SH3GLB1: variants seen among roughly 807,000 people sequenced by gnomAD.
SH3GLB1 encodes the protein endophilin-B1.
Under a neutral mutation model 42.0 loss-of-function variants are expected in SH3GLB1, and 17 were observed. The ratio of observed to expected loss-of-function variants is 0.40; its 90% CI spans 0.28 to 0.61. SH3GLB1 has a LOEUF of 0.61. SH3GLB1 is among the 20% of genes least tolerant of loss of function. The probability of loss-of-function intolerance (pLI) is 0.36; values close to 1 mark genes in which losing one functional copy is unlikely to be tolerated. For synonymous variants in SH3GLB1, 132 were observed against 146.6 expected (o/e 0.90, Z 0.72); for missense variants, 355 against 426.3 (o/e 0.83, Z 1.47).
In SH3GLB1 at chr1:86,744,323, A is replaced by G. The variant is rs898672113; in HGVS notation, c.*1088A>G. ...TCTGTTCTAATTCATTCATTCAACA[A>G]ACATTTGTTGAGGGCCAGATACTGT... On this transcript the variant is annotated 3_prime_UTR_variant, in exon 9 of 9. Coordinates refer to ENST00000370558, the MANE Select transcript of SH3GLB1 (RefSeq NM_016009.5). The G allele has an allele frequency of 2.0e-5, 3 of 152,184 alleles. No homozygotes were observed. The highest frequency in any genetic ancestry group is 1.9e-4 in the East Asian group (1 of 5,196). The allele number at this position is 152,184 out of a possible 1,614,324, so 9.4% of individuals were successfully genotyped here. A position where few individuals can be genotyped will look rare whatever the true frequency, so the allele number is the denominator to read the frequency against.
At chr1:86,705,405 G>A (rs939790041) in intron 1 of SH3GLB1, among the ~76,000 whole-genome samples, 2 of 152,100 alleles carry the variant, frequency 1.3e-5, no homozygotes, top group African/African-American at 4.8e-5. Context: ...AGTCCAAGAA[G>A]GGAGTTTCCT....
intron 5 of SH3GLB1, among the ~76,000 whole-genome samples, chr1:86,731,501 T>C (rs1655507533): frequency 6.6e-6 from 1 of 152,080 alleles, no homozygotes; most frequent in South Asian, 2.1e-4. Context: ...GCTTCTGATT[T>C]CTCTCTGAAC....
chr1:86,725,223 C>T (rs1023192290), intron 5 of SH3GLB1, among the ~76,000 whole-genome samples: 1 of 151,556 alleles, frequency 6.6e-6, no homozygotes, highest in African/African-American at 2.4e-5. Flanking sequence ...CCTTTCCACA[C>T]ACTGCTCAAA....
At chr1:86,715,921 T>TAA (rs139162261) in intron 2 of SH3GLB1, 56 bp downstream of exon 2, 119 of 1,443,894 alleles carry the variant, frequency 8.2e-5, no homozygotes, top group Middle Eastern at 4.1e-4. Flanking sequence ...TTTTAAATGT[T>TAA]AAAAAAAAAA....
chr1:86,713,123 A>G (rs1654309485), intron 1 of SH3GLB1, among the ~76,000 whole-genome samples: 1 of 151,950 alleles, frequency 6.6e-6, no homozygotes, highest in African/African-American at 2.4e-5. Context: ...TGACTATTTT[A>G]TTTTATATTT....
chr1:86,728,817 C>G (rs1312156845), intron 5 of SH3GLB1, among the ~76,000 whole-genome samples: 1 of 152,080 alleles, frequency 6.6e-6, no homozygotes, highest in African/African-American at 2.4e-5. Flanking sequence ...ACAAAATATA[C>G]TTAAAGAAAG....
At chr1:86,719,886 C>T (rs1654767916) in intron 3 of SH3GLB1, among the ~76,000 whole-genome samples, 1 of 149,690 alleles carries the variant, frequency 6.7e-6, no homozygotes, top group African/African-American at 2.5e-5. Flanking sequence ...GTCCCAGCTA[C>T]TTGGGAGGCT....
rs1462808383 is a variant in SH3GLB1, at chr1:86,748,139, A to C, written c.*4904A>C. 1.3e-5 allele frequency: 2 copies of C among 151,836 alleles called. No individual in the cohort carries two copies. The highest frequency in any genetic ancestry group is 2.9e-5 in the Non-Finnish European group (2 of 68,006). The allele number at this position is 151,836 out of a possible 1,614,324, so 9.4% of individuals were successfully genotyped here. A position where few individuals can be genotyped will look rare whatever the true frequency, so the allele number is the denominator to read the frequency against. On this transcript the variant is annotated 3_prime_UTR_variant, in exon 9 of 9. Transcript: ENST00000370558. ...GCCACATTTTATTAAACTACTGTTC[A>C]ATTTTTAGGTTTCCAACTTTCATTA... is the stretch of plus-strand genomic sequence containing the variant.
chr1:86,726,290 G>A (rs1655189934), intron 5 of SH3GLB1, among the ~76,000 whole-genome samples: 1 of 151,848 alleles, frequency 6.6e-6, no homozygotes, highest in African/African-American at 2.4e-5. Flanking sequence ...TTTTCTACCT[G>A]GAAAAGTTCC....
At position 86,745,265 on chromosome 1, in the gene SH3GLB1, T is replaced by C. The variant is rs1043107473; in HGVS notation, c.*2030T>C. ...CAATAATTATGACACCATAGGGTGG[T>C]TGTGAGGATTAGCAAATGTTATCTT... On this transcript the variant is annotated 3_prime_UTR_variant, in exon 9 of 9. Coordinates refer to ENST00000370558, the MANE Select transcript of SH3GLB1 (RefSeq NM_016009.5). 2 of 152,222 alleles carry C rather than the reference T, an allele frequency of 1.3e-5. No homozygotes were observed. Among genetic ancestry groups the C allele is most frequent in the African/African-American group, 4.8e-5 (2 of 41,448 alleles). 9.4% of individuals were successfully genotyped at this position (152,222 alleles called of 1,614,324 possible).
At chr1:86,736,835 T>C (rs1018049663) in intron 7 of SH3GLB1, among the ~76,000 whole-genome samples, 2 of 152,246 alleles carry the variant, frequency 1.3e-5, no homozygotes, top group African/African-American at 4.8e-5. Context: ...ATCTCTTTAA[T>C]TTGTTGCAGG....
At chr1:86,714,090 GA>G (rs1212452365) in intron 1 of SH3GLB1, among the ~76,000 whole-genome samples, 1 of 152,186 alleles carries the variant, frequency 6.6e-6, no homozygotes, top group Admixed American at 6.5e-5. Context: ...GGGGCTAAGT[GA>G]ATTTTTTTTA....
At chr1:86,729,309 A>G (rs1205029687) in intron 5 of SH3GLB1, among the ~76,000 whole-genome samples, 1 of 152,164 alleles carries the variant, frequency 6.6e-6, no homozygotes, top group Non-Finnish European at 1.5e-5. Context: ...ACTAGCATTA[A>G]ACCAAAAGCA....
intron 1 of SH3GLB1, among the ~76,000 whole-genome samples, chr1:86,711,371 C>G (rs1570407700): frequency 6.6e-6 from 1 of 152,046 alleles, no homozygotes; most frequent in Non-Finnish European, 1.5e-5. Flanking sequence ...TTCCGCAAAG[C>G]AATATTTAGA....
rs1284567743 is a variant in SH3GLB1 at position 86,724,880 on chromosome 1, A to ATATATATATATAT, written c.570+475_570+476insTATATATATATAT. 2.0e-3 allele frequency among the ~76,000 whole-genome samples: 203 copies of ATATATATATATAT among 103,802 alleles called. 2 individuals are homozygous for ATATATATATATAT. Among genetic ancestry groups the ATATATATATATAT allele is most frequent in the African/African-American group, 8.1e-3 (149 of 18,502 alleles). 68.1% of individuals were successfully genotyped at this position (103,802 alleles called of 152,430 possible). A position where few individuals can be genotyped will look rare whatever the true frequency, so the allele number is the denominator to read the frequency against. On this transcript the variant is annotated intron_variant, in intron 5 of 8. Coordinates refer to ENST00000370558, the MANE Select transcript of SH3GLB1 (RefSeq NM_016009.5). ...CAGAGCCAGACCCTGTCTTTAAAAA[A>ATATATATATATAT]AAAAAAAAAAAAATATATATATATA...
At chr1:86,739,531 A>T (rs1655954497) in intron 7 of SH3GLB1, among the ~76,000 whole-genome samples, 1 of 152,210 alleles carries the variant, frequency 6.6e-6, no homozygotes, top group African/African-American at 2.4e-5. Context: ...AATGTTTGTA[A>T]TATAAGAGAC....
At position 86,715,842 on chromosome 1, in the gene SH3GLB1, A is replaced by C; in HGVS notation, c.191A>C (p.Glu64Ala). The C allele has an allele frequency of 6.2e-7, 1 of 1,611,900 alleles. No homozygotes were observed. ...IWTEKIMKQT[E>A]VLLQPNPNAR... ...ACAGAAAAAATAATGAAACAAACTG[A>C]AGTGTTATTGCAGCCAAATCCAAGT... is the stretch of plus-strand genomic sequence containing the variant. The change falls in exon 2 of 9, where the codon GAA becomes GCA. Residue 64 changes from glutamate to alanine, a missense_variant. Physicochemically the swap from Glu to Ala is moderately radical, Grantham distance 107. Transcript: ENST00000370558.
At chr1:86,724,892 A>AAAAAAAAATATATATATATATAT (rs1291454820) in intron 5 of SH3GLB1, among the ~76,000 whole-genome samples, 16 of 99,664 alleles carry the variant, frequency 1.6e-4, no homozygotes, top group South Asian at 5.9e-4. Flanking sequence ...AAAAAAAAAA[A>AAAAAAAAATATATATATATATAT]ATATATATAT....
At chr1:86,742,576 A>T in intron 8 of SH3GLB1, 140 bp downstream of exon 8, 1 of 537,650 alleles carries the variant, frequency 1.9e-6, no homozygotes, top group Non-Finnish European at 3.2e-6. Context: ...TAAAATTTTA[A>T]TTAATATTCT....
Sources: allele counts gnomAD v4.1 joint callset (sites outside exome capture counted in the v4.1 genomes callset), GRCh38; gene constraint gnomAD v4.1.1; transcripts MANE v1.5; gene names NCBI Gene and HGNC (gene_info 2026-07-23, HGNC 2026-07-21).